Variants in CPNE7 observed in about 807,000 individuals in gnomAD.
CPNE7 encodes the protein copine 7, also known as copine-7.
CPNE7 carries 78 observed loss-of-function variants against 66.5 expected under a neutral mutation model. The observed-to-expected ratio is 1.17, with a 90% CI of 0.98 to 1.42. The LOEUF is 1.42. Among genes scored for constraint, CPNE7 ranks in the 40% most tolerant of loss-of-function variants. CPNE7 has a pLI of 0.00. For synonymous variants in CPNE7, 468 were observed against 336.7 expected (o/e 1.39, Z -4.27); for missense variants, 1,012 against 776.6 (o/e 1.30, Z -3.60).
At chr16:89,593,497 C>T (rs939135369) in intron 13 of CPNE7, among the ~76,000 whole-genome samples, 21 of 151,986 alleles carry the variant, frequency 1.4e-4, no homozygotes, top group African/African-American at 2.9e-4. Flanking sequence ...GGACTACAGG[C>T]GCCCGCCACC....
At position 89,596,503 on chromosome 16, in the gene CPNE7, C is replaced by T; in HGVS notation, c.1559C>T (p.Ala520Val). Residue 520 changes from alanine to valine, a missense_variant, in exon 15 of 15, where the codon GCC becomes GTC. Coordinates refer to ENST00000319518, the MANE Select transcript of CPNE7 (RefSeq NM_153636.3). ...CTCCAGGCATCCCCTGCGGCGCTGG[C>T]CAAGTGCGTGCTGGCCGAGGTCCCG... ...ELKNASPAAL[A>V]KCVLAEVPKQ... 6.2e-7 allele frequency: 1 copy of T among 1,609,208 alleles called. No individual in the cohort carries two copies. The highest frequency in any genetic ancestry group is 8.5e-7 in the Non-Finnish European group (1 of 1,179,428).
At chr16:89,588,284 G>C (rs578124216) in intron 9 of CPNE7, among the ~76,000 whole-genome samples, 1 of 152,186 alleles carries the variant, frequency 6.6e-6, no homozygotes. Context: ...TTTGTTGAAC[G>C]AGCCCCAGAA....
In CPNE7 at chr16:89,576,025, AC is replaced by A. The variant is rs1238321889; in HGVS notation, c.132del (p.Ser45AlafsTer82). On this transcript the variant is annotated frameshift_variant, in exon 1 of 15. Transcript: ENST00000319518. LOFTEE classifies it high-confidence loss of function. Reference protein sequence around the residue: ...LLDRDPLTKSDPSVALLQQAQ... With the variant: ...LLDRDPLTKSXPSVALLQQAQ... The stretch of plus-strand genomic sequence containing the variant: ...GACCGCGACCCGCTCACCAAGTCCG[AC>A]CCCAGCGTGGCGTTGCTGCAGCAGG... 3.0e-6 allele frequency: 4 copies of A among 1,346,900 alleles called. 1 individual carries two copies. The highest frequency in any genetic ancestry group is 1.8e-5 in the South Asian group (1 of 56,202). The allele number at this position is 1,346,900 out of a possible 1,614,324, so 83.4% of individuals were successfully genotyped here.
chr16:89,577,798 C>A, intron 2 of CPNE7, 77 bp downstream of exon 2: 1 of 1,462,880 alleles, frequency 6.8e-7, no homozygotes, highest in Non-Finnish European at 9.2e-7. Flanking sequence ...GATGTACCAG[C>A]ACCGCAGGGA....
chr16:89,591,341 C>T, intron 13 of CPNE7, 81 bp downstream of exon 13: 11 of 1,451,936 alleles, frequency 7.6e-6, no homozygotes, highest in East Asian at 2.5e-5. Context: ...AGGGAGGCAC[C>T]TGGCAGAGGG....
intron 14 of CPNE7, 99 bp downstream of exon 14, chr16:89,595,702 G>T: frequency 9.4e-7 from 1 of 1,062,216 alleles, no homozygotes; most frequent in Non-Finnish European, 1.4e-6. Flanking sequence ...CAGTGGATGT[G>T]GCAGGTCCCT....
intron 9 of CPNE7, among the ~76,000 whole-genome samples, chr16:89,587,330 G>GAGTCCCCCCCGCCGC (rs1567960025): frequency 0.029 from 1 of 34 alleles, no homozygotes; most frequent in African/African-American, 0.071. Flanking sequence ...TCAGTCCGTG[G>GAGTCCCCCCCGCCGC]CCCCGCCCCC....
Position 89,584,699 on chromosome 16 carries a change from A to G in CPNE7, c.508-75A>G. The G allele has an allele frequency of 8.8e-7, 1 of 1,130,276 alleles. No homozygotes were observed. The highest frequency in any genetic ancestry group is 1.3e-6 in the Non-Finnish European group (1 of 760,930). 70.0% of individuals were successfully genotyped at this position (1,130,276 alleles called of 1,614,324 possible). On this transcript the variant is annotated intron_variant, in intron 4 of 14. Transcript: ENST00000319518. This position sits in a 1 kb window ranked among gnomAD's most constrained non-coding sequence, Gnocchi z 6.0. ...CTGGTGGCATGAAGTGAGCCCTGGG[A>G]AACGACAAAGCCAGCTCCCATCCAA... is the stretch of plus-strand genomic sequence containing the variant.
chr16:89,583,728 T>C lies in CPNE7; in HGVS notation c.389T>C (p.Leu130Pro). Residue 130 changes from leucine (L) to proline (P), a missense_variant, in exon 3 of 15, where the codon CTG becomes CCG. By Grantham distance (98) the Leu-to-Pro change is moderately conservative. Coordinates refer to ENST00000319518, the MANE Select transcript of CPNE7 (RefSeq NM_153636.3). Reference protein sequence around the residue: ...IVAQKKVTRPLLLKFGRNAGK... With the variant: ...IVAQKKVTRPPLLKFGRNAGK... The stretch of plus-strand genomic sequence containing the variant: ...GCCCAGAAGAAGGTGACCCGCCCGC[T>C]GCTGCTCAAGTTTGGCAGGAACGCT... 6.2e-7 allele frequency: 1 copy of C among 1,612,778 alleles called. No individual in the cohort carries two copies. Among genetic ancestry groups the C allele is most frequent in the Non-Finnish European group, 8.5e-7 (1 of 1,179,918 alleles).
chr16:89,582,035 G>A (rs181059524), intron 2 of CPNE7, among the ~76,000 whole-genome samples: 18 of 152,372 alleles, frequency 1.2e-4, no homozygotes, highest in Non-Finnish European at 1.3e-4. Context: ...CACACACAGG[G>A]TCCGTGTGGA....
In CPNE7 at chr16:89,577,583, C is replaced by T. The variant is rs748171497; in HGVS notation, c.219C>T (p.Phe73=). 1.3e-6 allele frequency: 2 copies of T among 1,553,630 alleles called. No homozygotes were observed. Among genetic ancestry groups the T allele is most frequent in the Non-Finnish European group, 1.7e-6 (2 of 1,148,086 alleles). The change falls in exon 2 of 15, where the codon TTC becomes TTT. Residue 73 remains phenylalanine, a synonymous_variant. Transcript: ENST00000319518. The part of the protein sequence containing the change: ...EVVRSSLHPV[F]SKVFTVDYYF... ...TCCGGAGCAGCCTGCATCCCGTGTT[C>T]TCCAAGGTCTTCACGGTGGACTACT...
chr16:89,575,996 G>C lies in CPNE7; in HGVS notation c.99G>C (p.Leu33=). Residue 33 remains leucine, a synonymous_variant, in exon 1 of 15, where the codon CTG becomes CTC. Coordinates refer to ENST00000319518, the MANE Select transcript of CPNE7 (RefSeq NM_153636.3). ...AGCTGCGGCTCAGCTGCCGGCACCT[G>C]CTGGACCGCGACCCGCTCACCAAGT... ...KVELRLSCRH[L]LDRDPLTKSD... 7.3e-7 allele frequency: 1 copy of C among 1,378,576 alleles called. No homozygotes were observed. 85.4% of individuals were successfully genotyped at this position (1,378,576 alleles called of 1,614,324 possible).
In CPNE7 at chr16:89,577,831, G is replaced by C. The variant is rs1348320309; in HGVS notation, c.357+110G>C. ...GGACCCTGCTGGGGTGGCCAACCTG[G>C]CTCTGCCCCCTCCTCAGCTCCTCCT... On this transcript the variant is annotated intron_variant, in intron 2 of 14. Coordinates refer to ENST00000319518, the MANE Select transcript of CPNE7 (RefSeq NM_153636.3). 3.0e-6 allele frequency: 3 copies of C among 989,534 alleles called. No homozygotes were observed. In the African/African-American group the frequency reaches 4.9e-5, roughly 16 times the overall value. The allele number at this position is 989,534 out of a possible 1,614,324, so 61.3% of individuals were successfully genotyped here.
chr16:89,585,477 A>G lies in CPNE7; in HGVS notation c.605A>G (p.Asn202Ser), dbSNP rs775867577. The G allele has an allele frequency of 1.2e-6, 2 of 1,611,554 alleles. No individual in the cohort carries two copies. The highest frequency in any genetic ancestry group is 1.7e-6 in the Non-Finnish European group (2 of 1,179,186). The stretch of plus-strand genomic sequence containing the variant: ...CCCGGCCCACAGGTGGTGAAGAACA[A>G]CCTGAACCCGGTGTGGGAGGCCTTC... The part of the protein sequence containing the change: ...LVYRTEVVKN[N>S]LNPVWEAFKV... The change falls in exon 6 of 15, where the codon AAC becomes AGC. Residue 202 changes from asparagine (N) to serine (S), a missense_variant. Physicochemically the swap from Asn to Ser is conservative, Grantham distance 46. Transcript: ENST00000319518.
intron 6 of CPNE7, 24 bp from the exon 7 acceptor site, chr16:89,585,663 G>A (rs1259059866): frequency 9.7e-6 from 15 of 1,553,420 alleles, no homozygotes; most frequent in Non-Finnish European, 1.2e-5. Context: ...AGACAGCAGT[G>A]CTGAGGAGGA....
rs762185623 is a variant in CPNE7 at position 89,596,582 on chromosome 16, T to TCCCTGCCGGAGAAGCCTGGGC, written c.1638_1639insCCCTGCCGGAGAAGCCTGGGC (p.Gly546_Val547insProCysArgArgSerLeuGly). 20 of 1,606,980 alleles carry TCCCTGCCGGAGAAGCCTGGGC rather than the reference T, an allele frequency of 1.2e-5. No individual in the cohort carries two copies. In the South Asian group the frequency reaches 2.2e-4, roughly 18 times the overall value. On this transcript the variant is annotated inframe_insertion, in exon 15 of 15. Coordinates refer to ENST00000319518, the MANE Select transcript of CPNE7 (RefSeq NM_153636.3). The stretch of plus-strand genomic sequence containing the variant: ...GAGGCCTGCCCCCGAGAAGCCTGGG[T>TCCCTGCCGGAGAAGCCTGGGC]GTCCCTGCCGGAGAGGCCAGCCCAG...
At chr16:89,594,433 G>C (rs917462765) in intron 13 of CPNE7, among the ~76,000 whole-genome samples, 2 of 152,058 alleles carry the variant, frequency 1.3e-5, no homozygotes, top group South Asian at 4.1e-4. Context: ...GGGTCCTGGG[G>C]CCCCTGTTCG....
chr16:89,591,310 G>A (rs768226096), intron 13 of CPNE7, 50 bp downstream of exon 13: 3 of 1,496,678 alleles, frequency 2.0e-6, no homozygotes, highest in South Asian at 1.3e-5. Context: ...TCGGCTGTGT[G>A]TGCACCAGCG....
intron 9 of CPNE7, chr16:89,587,603 G>T: frequency 2.2e-6 from 1 of 453,602 alleles, no homozygotes; most frequent in Non-Finnish European, 4.4e-6. Flanking sequence ...GAGTGAACCA[G>T]CCACAGTCTC....
Sources: gnomAD v4.1 joint callset for allele counts (sites outside exome capture counted in the v4.1 genomes callset) on GRCh38, gnomAD v4.1.1 for gene constraint, Gnocchi (gnomAD v3.1) non-coding constraint, MANE v1.5 for transcripts, NCBI Gene and HGNC (gene_info 2026-07-23, HGNC 2026-07-21) for gene names.